ARHGAP21: variants seen among roughly 807,000 people sequenced by gnomAD.
The protein encoded by ARHGAP21 is rho GTPase-activating protein 21.
Under a neutral mutation model 164.6 loss-of-function variants are expected in ARHGAP21, and 38 were observed. That is an observed-to-expected ratio of 0.23 (90% CI 0.18 to 0.30). The LOEUF (loss-of-function observed/expected upper bound fraction) is 0.30. Among genes scored for constraint, ARHGAP21 ranks in the 10% least tolerant of loss-of-function variants. ARHGAP21 has a pLI of 1.00. For synonymous variants in ARHGAP21, 766 were observed against 857.9 expected, an observed-to-expected ratio of 0.89 and a Z score of 1.87; for missense variants, 1,822 against 2,370.7, an observed-to-expected ratio of 0.77 and a Z score of 4.81.
intron 2 of ARHGAP21, among the ~76,000 whole-genome samples, chr10:24,673,716 G>A (rs1840935629): frequency 6.6e-6 from 1 of 152,026 alleles, no homozygotes; most frequent in Admixed American, 6.5e-5. Context: ...ACAAAAATTA[G>A]CTGGGTGTGG....
At chr10:24,722,662 C>T (rs886811685) in intron 1 of ARHGAP21, 13 of 152,236 alleles carry the variant, frequency 8.5e-5, no homozygotes, top group African/African-American at 3.1e-4. Flanking sequence ...TTTCCAAGCC[C>T]CCTCTTCGCT....
At chr10:24,647,293 T>A (rs1837670042) in intron 4 of ARHGAP21, among the ~76,000 whole-genome samples, 1 of 152,222 alleles carries the variant, frequency 6.6e-6, no homozygotes. Flanking sequence ...ACCTTTCATC[T>A]AACTTGACCA....
At chr10:24,705,570 T>TG (rs1374076655) in intron 2 of ARHGAP21, among the ~76,000 whole-genome samples, 1 of 152,170 alleles carries the variant, frequency 6.6e-6, no homozygotes, top group African/African-American at 2.4e-5. Flanking sequence ...ACGAAGAAGC[T>TG]CACATCACAG....
At position 24,584,544 on chromosome 10, in the gene ARHGAP21, T is replaced by C. The variant is rs1180586805; in HGVS notation, c.5745A>G (p.Pro1915=). 1 of 1,613,734 alleles carries C rather than the reference T, an allele frequency of 6.2e-7. No homozygotes were observed. Among genetic ancestry groups the C allele is most frequent in the East Asian group, 2.2e-5 (1 of 44,880 alleles). The change falls in exon 26 of 26, where the codon CCA becomes CCG. Residue 1915 remains proline, a synonymous_variant. Coordinates refer to ENST00000396432, the MANE Select transcript of ARHGAP21 (RefSeq NM_020824.4). ...CTCCGTTTATTTGGTCAGGTGACTG[T>C]GGTGGTATGGAAAGAAGGGGCCTGT... ...STNRPLLSIP[P]QSPDQINGES... is the part of the protein sequence containing the mutation.
At position 24,585,992 on chromosome 10, in the gene ARHGAP21, A is replaced by G; in HGVS notation, c.4297T>C (p.Ser1433Pro). ...KPKEKAQPSS[S>P]EDELDNVFFK... Reference sequence around the variant, plus strand: ...AATACATTGTCCAGTTCATCTTCTGAGCTGCTAGGCTGTGCTTTTTCTTTC... The same window carrying G: ...AATACATTGTCCAGTTCATCTTCTGGGCTGCTAGGCTGTGCTTTTTCTTTC... Residue 1433 changes from serine (S) to proline (P), a missense_variant, in exon 26 of 26, where the codon TCA becomes CCA. By Grantham distance (74) the Ser-to-Pro change is moderately conservative (BLOSUM62 -1). Around this residue, in one of 5 missense-constraint regions of ARHGAP21, gnomAD observed 333 missense variants for 383.9 expected, o/e 0.87. Transcript: ENST00000396432. The G allele has an allele frequency of 6.2e-7, 1 of 1,614,088 alleles. No individual in the cohort carries two copies. Among genetic ancestry groups the G allele is most frequent in the Non-Finnish European group, 8.5e-7 (1 of 1,180,032 alleles).
chr10:24,718,525 GCAGA>G (rs971113007), intron 2 of ARHGAP21, among the ~76,000 whole-genome samples: 9 of 152,122 alleles, frequency 5.9e-5, no homozygotes, highest in African/African-American at 2.2e-4. Flanking sequence ...TACAAAAGAG[GCAGA>G]TAGAGAGGGA....
chr10:24,673,966 T>G (rs527250393), intron 2 of ARHGAP21, among the ~76,000 whole-genome samples: 11 of 152,340 alleles, frequency 7.2e-5, no homozygotes, highest in African/African-American at 2.4e-4. Context: ...TAGGTCAAGA[T>G]TTCTTAGATA....
intron 4 of ARHGAP21, among the ~76,000 whole-genome samples, chr10:24,648,486 A>G (rs779546358): frequency 4.6e-5 from 7 of 152,156 alleles, no homozygotes; most frequent in African/African-American, 1.7e-4. Flanking sequence ...TTAAAAATAC[A>G]TATCATAGGT....
chr10:24,585,278 C>G lies in ARHGAP21; in HGVS notation c.5011G>C (p.Gly1671Arg). 1 of 1,608,340 alleles carries G rather than the reference C, an allele frequency of 6.2e-7. No individual in the cohort carries two copies. Among genetic ancestry groups the G allele is most frequent in the Non-Finnish European group, 8.5e-7 (1 of 1,179,268 alleles). The change falls in exon 26 of 26, where the codon GGA becomes CGA. Residue 1671 changes from glycine to arginine, a missense_variant. Around this residue, in one of 5 missense-constraint regions of ARHGAP21, gnomAD observed 117 missense variants for 193.2 expected, o/e 0.61. Coordinates refer to ENST00000396432, the MANE Select transcript of ARHGAP21 (RefSeq NM_020824.4). ...VTKSSRRNSE[G>R]SELSCTEGSL... ...CCCTCGGTGCAACTTAATTCACTTC[C>G]TTCAGAATTTCTCCGGCTGCTCTTA...
intron 13 of ARHGAP21, 112 bp from the exon 14 acceptor site, chr10:24,601,042 AG>A: frequency 7.8e-7 from 1 of 1,284,674 alleles, no homozygotes. Context: ...CTAGTGTAGC[AG>A]GTGGCAGATT....
intron 2 of ARHGAP21, among the ~76,000 whole-genome samples, chr10:24,680,501 CACAA>C (rs1308960734): frequency 5.9e-5 from 9 of 152,100 alleles, no homozygotes; most frequent in African/African-American, 2.2e-4. Flanking sequence ...GGGCTCTTTA[CACAA>C]ACAGAGAAGA....
chr10:24,704,769 G>A (rs1476958499), intron 2 of ARHGAP21, among the ~76,000 whole-genome samples: 1 of 151,974 alleles, frequency 6.6e-6, no homozygotes, highest in African/African-American at 2.4e-5. Flanking sequence ...GCGTCTGGTG[G>A]TAATTTTTCT....
intron 24 of ARHGAP21, chr10:24,590,225 G>A: frequency 6.8e-7 from 1 of 1,462,888 alleles, no homozygotes; most frequent in Non-Finnish European, 9.0e-7. Context: ...TCTCCTCAGG[G>A]TCTGCTTCAG....
intron 4 of ARHGAP21, among the ~76,000 whole-genome samples, chr10:24,661,426 T>TA (rs1839684961): frequency 6.6e-6 from 1 of 152,138 alleles, no homozygotes; most frequent in African/African-American, 2.4e-5. Context: ...AATGGCTCGG[T>TA]ATTTCTTGGT....
intron 9 of ARHGAP21, among the ~76,000 whole-genome samples, chr10:24,611,262 C>T (rs2077248363): frequency 1.3e-5 from 2 of 152,192 alleles, no homozygotes; most frequent in Admixed American, 1.3e-4. Flanking sequence ...GGATTCAATA[C>T]ATGGACAGTG....
chr10:24,710,597 C>CT (rs61162108), intron 2 of ARHGAP21, among the ~76,000 whole-genome samples: 125,667 of 152,070 alleles, frequency 0.83, 52,244 homozygotes, highest in African/African-American at 0.93. Flanking sequence ...TTTTATGCTG[C>CT]GCACCCTCAG....
chr10:24,625,299 G>GCAAAAAAAAAAAAAAAAA (rs768183583), intron 7 of ARHGAP21, among the ~76,000 whole-genome samples: 8 of 53,796 alleles, frequency 1.5e-4, no homozygotes, highest in Admixed American at 2.3e-4. Flanking sequence ...ATGAAACAGA[G>GCAAAAAAAAAAAAAAAAA]AAAAAAAAAA....
At chr10:24,688,910 G>A (rs144777078) in intron 2 of ARHGAP21, among the ~76,000 whole-genome samples, 1 of 152,258 alleles carries the variant, frequency 6.6e-6, no homozygotes, top group African/African-American at 2.4e-5. Context: ...CCAAATCTCT[G>A]AGACCTTTTG....
At chr10:24,617,675 G>C (rs1834098062) in intron 9 of ARHGAP21, among the ~76,000 whole-genome samples, 1 of 121,300 alleles carries the variant, frequency 8.2e-6, no homozygotes, top group African/African-American at 2.6e-5. Flanking sequence ...ATCCAATTAA[G>C]TGTTTTCTCA....
Sources: allele counts gnomAD v4.1 joint callset (sites outside exome capture counted in the v4.1 genomes callset), GRCh38; gene constraint gnomAD v4.1.1; regional missense constraint gnomAD v4.1.1; transcripts MANE v1.5; gene names NCBI Gene and HGNC (gene_info 2026-07-23, HGNC 2026-07-21).